DMTN: variants seen among roughly 807,000 people sequenced by gnomAD.
The protein encoded by DMTN is dematin actin binding protein.
In DMTN, 27 loss-of-function variants were observed where a neutral mutation model predicts 59.4. The observed-to-expected ratio is 0.45, with a 90% CI of 0.33 to 0.63. The LOEUF is 0.63. DMTN is among the 20% of genes least tolerant of loss of function. The pLI is 0.02. For synonymous variants in DMTN, 221 were observed against 203.7 expected (o/e 1.08, Z -0.72); for missense variants, 451 against 528.9 (o/e 0.85, Z 1.45).
chr8:22,068,068 C>T (rs1232570669), intron 4 of DMTN, among the ~76,000 whole-genome samples: 4 of 152,158 alleles, frequency 2.6e-5, no homozygotes, highest in African/African-American at 4.8e-5. Context: ...CCCATCCACG[C>T]GCAAGGTAGT....
Position 22,066,875 on chromosome 8 carries a change from C to T in DMTN, c.-1C>T, listed in dbSNP as rs1247056691. 7.4e-7 allele frequency: 1 copy of T among 1,347,594 alleles called. No individual in the cohort carries two copies. Among genetic ancestry groups the T allele is most frequent in the African/African-American group, 1.5e-5 (1 of 65,932 alleles). The allele number at this position is 1,347,594 out of a possible 1,614,324, so 83.5% of individuals were successfully genotyped here. Reference sequence around the variant, plus strand: ...GACCCGGCGGGCGAGCTCCGTGCTGCATGGAACGGCTGCAGAAGGTGCGCG... The same window carrying T: ...GACCCGGCGGGCGAGCTCCGTGCTGTATGGAACGGCTGCAGAAGGTGCGCG... On this transcript the variant is annotated 5_prime_UTR_variant, in exon 2 of 16. Transcript: ENST00000358242.
At chr8:22,079,277 AATATATATATATATATATATATAT>A (rs1822344904) in intron 10 of DMTN, among the ~76,000 whole-genome samples, 1 of 27,682 alleles carries the variant, frequency 3.6e-5, no homozygotes, top group Non-Finnish European at 6.8e-5. Context: ...TAAATAAATA[AATATATATATATATATATATATAT>A]TAGCTGGGTT....
chr8:22,064,656 C>T (rs1340822420), intron 1 of DMTN, among the ~76,000 whole-genome samples: 1 of 152,218 alleles, frequency 6.6e-6, no homozygotes, highest in Non-Finnish European at 1.5e-5. Context: ...GACAGGGTTT[C>T]ACTGTGTTAG....
intron 10 of DMTN, 25 bp from the exon 11 acceptor site, chr8:22,080,155 C>G (rs771169124): frequency 8.1e-6 from 13 of 1,613,850 alleles, no homozygotes; most frequent in Non-Finnish European, 1.1e-5. Flanking sequence ...AGGGACTGAA[C>G]TCAGGACCTT....
chr8:22,073,129 TGG>T (rs1817017232), intron 9 of DMTN, among the ~76,000 whole-genome samples: 2 of 152,160 alleles, frequency 1.3e-5, no homozygotes, highest in African/African-American at 4.8e-5. Flanking sequence ...CAGGGTGACC[TGG>T]GACAAGGACA....
intron 8 of DMTN, among the ~76,000 whole-genome samples, chr8:22,071,286 TG>T (rs1479936518): frequency 1.3e-5 from 2 of 151,460 alleles, no homozygotes; most frequent in African/African-American, 4.9e-5. Flanking sequence ...TTAGTAGATA[TG>T]GGTTTTCATT....
At chr8:22,069,219 C>T (rs1037862024) in intron 5 of DMTN, 159 bp downstream of exon 5, 45 of 957,976 alleles carry the variant, frequency 4.7e-5, no homozygotes, top group East Asian at 1.9e-4. Flanking sequence ...ATCATTCTGT[C>T]GGACCCAGGA....
At position 22,080,171 on chromosome 8, in the gene DMTN, G is replaced by T; in HGVS notation, c.836-9G>T. On this transcript the variant is annotated splice_polypyrimidine_tract_variant and intron_variant, in intron 10 of 15. Transcript: ENST00000358242. ...GGGACTGAACTCAGGACCTTTTGCT[G>T]TCTTCCAGCCTTGCACCAGGGAACG... The T allele has an allele frequency of 6.2e-7, 1 of 1,614,148 alleles. No homozygotes were observed. Among genetic ancestry groups the T allele is most frequent in the Middle Eastern group, 1.6e-4 (1 of 6,062 alleles).
intron 10 of DMTN, 48 bp from the exon 11 acceptor site, chr8:22,080,132 C>T (rs1823170933): frequency 3.7e-6 from 6 of 1,608,394 alleles, no homozygotes; most frequent in Non-Finnish European, 5.1e-6. Flanking sequence ...TCAGGAAGGG[C>T]TGTCAGGGCC....
rs186853915 is a variant in DMTN, at chr8:22,060,522, A to C, written c.-172+3386A>C. On this transcript the variant is annotated intron_variant, in intron 1 of 15. Transcript: ENST00000358242. This position sits in a 1 kb window ranked among gnomAD's most constrained non-coding sequence, Gnocchi z 5.0. ...CTGGCCTTCTGACAGCTTAAAATTTAACCAGTACAAACATTATGCCTTAAG... is the reference window on the plus strand; with the variant it reads ...CTGGCCTTCTGACAGCTTAAAATTTCACCAGTACAAACATTATGCCTTAAG... 2.2e-4 allele frequency among the ~76,000 whole-genome samples: 34 copies of C among 152,292 alleles called. No homozygotes were observed. The highest frequency in any genetic ancestry group is 8.5e-4 in the Admixed American group (13 of 15,306).
upstream of DMTN, among the ~76,000 whole-genome samples, chr8:22,052,240 T>C (rs564449712): frequency 3.0e-4 from 45 of 152,364 alleles, no homozygotes; most frequent in African/African-American, 1.1e-3. Context: ...CTTGTCATGA[T>C]TCCGCTAAAT....
Position 22,069,501 on chromosome 8 carries a change from C to A in DMTN, c.377C>A (p.Pro126His). The A allele has an allele frequency of 6.2e-7, 1 of 1,601,440 alleles. No individual in the cohort carries two copies. The highest frequency in any genetic ancestry group is 8.5e-7 in the Non-Finnish European group (1 of 1,174,788). The change falls in exon 6 of 16, where the codon CCC (proline) becomes CAC (histidine). Residue 126 changes from proline to histidine, a missense_variant. Pro to His is a moderately conservative substitution (Grantham distance 77). Transcript: ENST00000358242. Reference protein sequence around the residue: ...RTTGTPRTSLPHFHHPETSRP... With the variant: ...RTTGTPRTSLHHFHHPETSRP... ...ACTGGAACCCCCCGGACCAGCCTGC[C>A]CCATTTCCACCACCCTGGTAGGTCT... is the stretch of plus-strand genomic sequence containing the variant.
Position 22,066,727 on chromosome 8 carries a change from A to T in DMTN, c.-149A>T. On this transcript the variant is annotated 5_prime_UTR_variant, in exon 2 of 16. The change abolishes an upstream ATG in the 5' untranslated region. Coordinates refer to ENST00000358242, the MANE Select transcript of DMTN (RefSeq NM_001387751.1). ...CAGCCTGGAGAGTCACCGCCGAGGG[A>T]TGAGGACGCGCCAGCCCGGGGGAAC... 1.2e-6 allele frequency: 1 copy of T among 823,572 alleles called. No homozygotes were observed. 51.0% of individuals were successfully genotyped at this position (823,572 alleles called of 1,614,324 possible). A position where few individuals can be genotyped will look rare whatever the true frequency, so the allele number is the denominator to read the frequency against.
intron 5 of DMTN, 34 bp from the exon 6 acceptor site, chr8:22,069,384 TA>T (rs763796953): frequency 2.0e-5 from 31 of 1,582,070 alleles, no homozygotes; most frequent in Non-Finnish European, 2.7e-5. Flanking sequence ...TGGAGGGGGT[TA>T]GGGGCCCTGG....
At chr8:22,080,905 G>A (rs1335559245) in intron 14 of DMTN, 35 bp downstream of exon 14, 1 of 1,538,012 alleles carries the variant, frequency 6.5e-7, no homozygotes, top group African/African-American at 1.4e-5. Context: ...CTGTAGCGGG[G>A]CGGGAGGCTG....
chr8:22,073,982 C>A, intron 10 of DMTN, 147 bp downstream of exon 10: 1 of 626,414 alleles, frequency 1.6e-6, no homozygotes, highest in South Asian at 1.9e-5. Context: ...AGTCATGGAA[C>A]AATGTCAGAT....
Position 22,066,879 on chromosome 8 carries a change from G to A in DMTN, c.4G>A (p.Glu2Lys). The A allele has an allele frequency of 7.5e-7, 1 of 1,338,390 alleles. No homozygotes were observed. The highest frequency in any genetic ancestry group is 9.6e-7 in the Non-Finnish European group (1 of 1,042,178). 82.9% of individuals were successfully genotyped at this position (1,338,390 alleles called of 1,614,324 possible). A position where few individuals can be genotyped will look rare whatever the true frequency, so the allele number is the denominator to read the frequency against. Residue 2 changes from glutamate to lysine, a missense_variant, in exon 2 of 16, where the codon GAA (glutamate) becomes AAA (lysine). Coordinates refer to ENST00000358242, the MANE Select transcript of DMTN (RefSeq NM_001387751.1). The part of the protein sequence containing the change: M[E>K]RLQKQPLTSP... ...CGGCGGGCGAGCTCCGTGCTGCATG[G>A]AACGGCTGCAGAAGGTGCGCGGCGC...
chr8:22,074,762 A>G (rs573105899), intron 10 of DMTN, among the ~76,000 whole-genome samples: 2 of 152,220 alleles, frequency 1.3e-5, no homozygotes, highest in Admixed American at 1.3e-4. Context: ...AGACCAAGAG[A>G]TGGGGAGCGG....
Position 22,081,416 on chromosome 8 carries a change from GCTCT to G in DMTN, c.1172_1175del (p.Ala391GlyfsTer54). On this transcript the variant is annotated frameshift_variant, in exon 16 of 16. Transcript: ENST00000358242. LOFTEE classifies it high-confidence loss of function. ...GTCCCCTGAAGAGTTTGGCAAGCTGGCTCTGTGGAAGCGGAATGAGCTCAAGAAG... is the reference window on the plus strand; with the variant it reads ...GTCCCCTGAAGAGTTTGGCAAGCTGGGTGGAAGCGGAATGAGCTCAAGAAG... The G allele has an allele frequency of 6.2e-7, 1 of 1,614,140 alleles. No individual in the cohort carries two copies. Among genetic ancestry groups the G allele is most frequent in the Non-Finnish European group, 8.5e-7 (1 of 1,179,988 alleles).
Sources: allele counts gnomAD v4.1 joint callset (sites outside exome capture counted in the v4.1 genomes callset), GRCh38; gene constraint gnomAD v4.1.1; non-coding constraint Gnocchi (gnomAD v3.1); transcripts MANE v1.5; gene names NCBI Gene and HGNC (gene_info 2026-07-23, HGNC 2026-07-21).